The following TRANK1 variants were observed in gnomAD, a reference collection of about 807,000 sequenced individuals.
The protein encoded by TRANK1 is tetratricopeptide repeat and ankyrin repeat containing 1.
A neutral mutation model predicts 266.0 loss-of-function variants in TRANK1; 198 were observed. That is an observed-to-expected ratio of 0.74 (90% CI 0.66 to 0.84). The LOEUF (loss-of-function observed/expected upper bound fraction) is 0.84, where lower values mean the gene tolerates loss of function less well. Ranked by LOEUF, TRANK1 falls within the 40% of genes least tolerant of loss-of-function variation. The probability of loss-of-function intolerance (pLI) is 0.00; values close to 1 mark genes in which losing one functional copy is unlikely to be tolerated. For missense variants in TRANK1, 3,326 were observed against 3,634.6 expected (o/e 0.92, Z 2.18); for synonymous variants, 1,396 against 1,384.1 (o/e 1.01, Z -0.19).
chr3:36,828,655 G>A (rs2078658062), intron 23 of TRANK1, among the ~76,000 whole-genome samples: 1 of 152,154 alleles, frequency 6.6e-6, no homozygotes, highest in Non-Finnish European at 1.5e-5. Context: ...CCCAAAAAGA[G>A]TCAAAGTAAA....
In TRANK1 at chr3:36,857,226, C is replaced by T. The variant is rs1434740827; in HGVS notation, c.2496G>A (p.Met832Ile). 6.2e-7 allele frequency: 1 copy of T among 1,613,624 alleles called. No individual in the cohort carries two copies. The highest frequency in any genetic ancestry group is 2.2e-5 in the East Asian group (1 of 44,888). Residue 832 changes from methionine to isoleucine, a missense_variant, in exon 13 of 24, where the codon ATG (methionine) becomes ATA (isoleucine). Coordinates refer to ENST00000645898, the MANE Select transcript of TRANK1 (RefSeq NM_001329998.2). The surrounding 1 kb of genome is among the most constrained non-coding windows in gnomAD (Gnocchi z 4.3). ...IEACLQDFDN[M>I]TWEIECTSEM... is the part of the protein sequence containing the mutation. Reference sequence around the variant, plus strand: ...CTGAAGTGCACTCGATCTCCCAGGTCATGTTATCGAAGTCCTGGAGGCAGG... The same window carrying T: ...CTGAAGTGCACTCGATCTCCCAGGTTATGTTATCGAAGTCCTGGAGGCAGG...
chr3:36,884,218 A>C (rs893189165), intron 8 of TRANK1, among the ~76,000 whole-genome samples: 1 of 152,240 alleles, frequency 6.6e-6, no homozygotes, highest in Non-Finnish European at 1.5e-5. Context: ...ATCATCGGTT[A>C]GTGCACATAC....
intron 1 of TRANK1, among the ~76,000 whole-genome samples, chr3:36,909,242 T>C (rs769586059): frequency 3.3e-5 from 5 of 152,218 alleles, no homozygotes; most frequent in Non-Finnish European, 5.9e-5. Flanking sequence ...GCCTTGAACA[T>C]AAGGGGTACT....
At chr3:36,911,582 T>A (rs973122047) in intron 1 of TRANK1, among the ~76,000 whole-genome samples, 4 of 152,260 alleles carry the variant, frequency 2.6e-5, no homozygotes, top group Admixed American at 6.5e-5. Flanking sequence ...CTGCTTTTTA[T>A]TGATACAATC....
At chr3:36,897,140 A>G (rs1187693272) in intron 4 of TRANK1, among the ~76,000 whole-genome samples, 1 of 151,712 alleles carries the variant, frequency 6.6e-6, no homozygotes, top group Non-Finnish European at 1.5e-5. Flanking sequence ...CATCTCTACT[A>G]AAAATACAAA....
In TRANK1 at chr3:36,928,386, C is replaced by T. The variant is rs79495832; in HGVS notation, c.23+16401G>A. ...CAGCCAACTTTAAAGTCCTGTTTCC[C>T]TTGATATTCATATTAGGACTTCACT... On this transcript the variant is annotated intron_variant, in intron 1 of 23. Transcript: ENST00000645898. Among the ~76,000 whole-genome samples, 44 of 152,258 alleles carry T rather than the reference C, an allele frequency of 2.9e-4. 1 individual carries two copies. The East Asian group carries it at 8.5e-3, about 29-fold the overall frequency.
chr3:36,919,156 A>G (rs1434858440), intron 1 of TRANK1, among the ~76,000 whole-genome samples: 1 of 152,164 alleles, frequency 6.6e-6, no homozygotes, highest in Non-Finnish European at 1.5e-5. Context: ...TAACATTTTT[A>G]TTGAGGCAAA....
chr3:36,902,401 T>G (rs2079896710), intron 3 of TRANK1, among the ~76,000 whole-genome samples: 1 of 152,178 alleles, frequency 6.6e-6, no homozygotes, highest in Non-Finnish European at 1.5e-5. Context: ...TGCTCCAGAG[T>G]GGCTATTGAA....
At chr3:36,929,822 T>C (rs2125660666) in intron 1 of TRANK1, among the ~76,000 whole-genome samples, 1 of 152,356 alleles carries the variant, frequency 6.6e-6, no homozygotes, top group South Asian at 2.1e-4. Flanking sequence ...TCTTTGACTG[T>C]GGCCCTGTGG....
Position 36,855,805 on chromosome 3 carries a change from T to C in TRANK1, c.3917A>G (p.Lys1306Arg). The change falls in exon 13 of 24, where the codon AAA becomes AGA. Residue 1306 changes from lysine to arginine, a missense_variant. Coordinates refer to ENST00000645898, the MANE Select transcript of TRANK1 (RefSeq NM_001329998.2). ...EVDGDYSEED[K>R]AVEMRTGDSD... is the part of the protein sequence containing the mutation. ...GTCACCCGTACGCATTTCTACAGCT[T>C]TATCCTCCTCACTGTAGTCCCCATC... is the stretch of plus-strand genomic sequence containing the variant. 1 of 1,613,656 alleles carries C rather than the reference T, an allele frequency of 6.2e-7. No homozygotes were observed. Among genetic ancestry groups the C allele is most frequent in the Non-Finnish European group, 8.5e-7 (1 of 1,179,824 alleles).
chr3:36,861,121 C>A lies in TRANK1; in HGVS notation c.1280G>T (p.Cys427Phe). 2 of 1,537,330 alleles carry A rather than the reference C, an allele frequency of 1.3e-6. No individual in the cohort carries two copies. Among genetic ancestry groups the A allele is most frequent in the South Asian group, 2.4e-5 (2 of 84,054 alleles). ...PDLVCDINQD[C>F]ATTVFKFLLE... ...TAAGAATTTGAAGACGGTGGTGGCA[C>A]AGTCTTGATTAATATCACAGACCAG... is the stretch of plus-strand genomic sequence containing the variant. The change falls in exon 11 of 24, where the codon TGT becomes TTT. Residue 427 changes from cysteine to phenylalanine, a missense_variant. Coordinates refer to ENST00000645898, the MANE Select transcript of TRANK1 (RefSeq NM_001329998.2).
At chr3:36,933,262 G>A (rs1407837992) in intron 1 of TRANK1, among the ~76,000 whole-genome samples, 5 of 152,222 alleles carry the variant, frequency 3.3e-5, no homozygotes, top group African/African-American at 1.2e-4. Context: ...TGGGGAAAGG[G>A]TACAGGCGCA....
intron 21 of TRANK1, 82 bp from the exon 22 acceptor site, chr3:36,834,001 C>CT: frequency 7.3e-7 from 1 of 1,378,312 alleles, no homozygotes; most frequent in Non-Finnish European, 9.6e-7. Context: ...TGCAGAGCAA[C>CT]TTAAATAAAA....
chr3:36,896,525 G>A (rs576857516), intron 4 of TRANK1, among the ~76,000 whole-genome samples: 1 of 152,330 alleles, frequency 6.6e-6, no homozygotes, highest in African/African-American at 2.4e-5. Flanking sequence ...CTTCCAAAAA[G>A]GAGTACTTTG....
intron 7 of TRANK1, among the ~76,000 whole-genome samples, chr3:36,891,160 T>A (rs1308327990): frequency 6.6e-6 from 1 of 152,084 alleles, no homozygotes; most frequent in Non-Finnish European, 1.5e-5. Context: ...GCCAACATGG[T>A]GAAACCCCAT....
At chr3:36,851,957 CA>C in intron 14 of TRANK1, 101 bp from the exon 15 acceptor site, 1 of 1,449,592 alleles carries the variant, frequency 6.9e-7, no homozygotes, top group Non-Finnish European at 9.1e-7. Flanking sequence ...GAGAAATGGC[CA>C]GCATAAACAT....
intron 8 of TRANK1, among the ~76,000 whole-genome samples, chr3:36,889,331 T>G (rs1358542150): frequency 6.6e-6 from 1 of 152,154 alleles, no homozygotes; most frequent in Non-Finnish European, 1.5e-5. Flanking sequence ...TGCACCGGTG[T>G]CAGAAGAACC....
At chr3:36,881,513 T>C (rs184243143) in intron 8 of TRANK1, among the ~76,000 whole-genome samples, 347 of 151,662 alleles carry the variant, frequency 2.3e-3, no homozygotes, top group Non-Finnish European at 2.8e-3. Context: ...CTTGGGATGC[T>C]GAGGCAGGAG....
chr3:36,858,698 C>T lies in TRANK1; in HGVS notation c.1672+20G>A, dbSNP rs1209234710. On this transcript the variant is annotated intron_variant, in intron 12 of 23. Transcript: ENST00000645898. ...AGCTTCCTCCTCAAGGAGACGGCTG[C>T]TTAAAAAACAAGGGCTTACCTTTAA... 5 of 1,479,420 alleles carry T rather than the reference C, an allele frequency of 3.4e-6. No homozygotes were observed. Among genetic ancestry groups the T allele is most frequent in the Non-Finnish European group, 4.5e-6 (5 of 1,117,228 alleles). 91.6% of individuals were successfully genotyped at this position (1,479,420 alleles called of 1,614,324 possible).
Sources: allele counts gnomAD v4.1 joint callset (sites outside exome capture counted in the v4.1 genomes callset), GRCh38; gene constraint gnomAD v4.1.1; non-coding constraint Gnocchi (gnomAD v3.1); transcripts MANE v1.5; gene names NCBI Gene and HGNC (gene_info 2026-07-23, HGNC 2026-07-21).